The following AGBL1 variants were observed in gnomAD, a reference collection of about 807,000 sequenced individuals.
The protein encoded by AGBL1 is AGBL carboxypeptidase 1.
A neutral mutation model predicts 118.9 loss-of-function variants in AGBL1; 130 were observed. The ratio of observed to expected loss-of-function variants is 1.09; its 90% CI spans 0.95 to 1.26. The LOEUF is 1.26. AGBL1 is among the 50% of genes most tolerant of loss of function. AGBL1 has a pLI of 0.00. For synonymous variants in AGBL1, 555 were observed against 478.9 expected, an observed-to-expected ratio of 1.16 and a Z score of -2.08; for missense variants, 1,584 against 1,298.1, an observed-to-expected ratio of 1.22 and a Z score of -3.38.
chr15:86,905,939 C>G (rs575483468), intron 22 of AGBL1, among the ~76,000 whole-genome samples: 1 of 152,210 alleles, frequency 6.6e-6, no homozygotes, highest in African/African-American at 2.4e-5. Context: ...CCCTTCCTCT[C>G]CATTCAGGCA....
chr15:86,962,711 C>A (rs778446218), intron 23 of AGBL1, among the ~76,000 whole-genome samples: 14 of 151,988 alleles, frequency 9.2e-5, no homozygotes, highest in Admixed American at 7.9e-4. Flanking sequence ...CGAGGCAGGT[C>A]TATTTAGGAC....
Position 86,658,920 on chromosome 15 carries a change from C to T in AGBL1, c.2995-15353C>T, listed in dbSNP as rs1415206458. 2.0e-5 allele frequency among the ~76,000 whole-genome samples: 3 copies of T among 152,120 alleles called. No homozygotes were observed. In the East Asian group the frequency reaches 5.8e-4, roughly 29 times the overall value. ...GAGGAAAGCTGTTTGGGATGCACTA[C>T]CAAGCATCATGCAGATTCAGTGGAG... On this transcript the variant is annotated intron_variant, in intron 21 of 22. Transcript: ENST00000614907.
intron 21 of AGBL1, among the ~76,000 whole-genome samples, chr15:86,669,261 T>C (rs6496350): frequency 0.83 from 126,779 of 152,158 alleles, 53,486 homozygotes; most frequent in Middle Eastern, 0.9. Flanking sequence ...CATGGTTATA[T>C]GTTTTTCAGA....
At chr15:86,465,642 T>A (rs1955173256) in intron 18 of AGBL1, among the ~76,000 whole-genome samples, 1 of 152,190 alleles carries the variant, frequency 6.6e-6, no homozygotes, top group Non-Finnish European at 1.5e-5. Flanking sequence ...TCTTATGCAG[T>A]TGTAGATAAG....
At chr15:86,126,457 T>G (rs1031602623) in intron 1 of AGBL1, among the ~76,000 whole-genome samples, 2 of 152,214 alleles carry the variant, frequency 1.3e-5, no homozygotes, top group Non-Finnish European at 1.5e-5. Context: ...CAGGATGGAA[T>G]GTTTATATTT....
At chr15:86,626,013 C>G (rs1738345452) in intron 21 of AGBL1, among the ~76,000 whole-genome samples, 1 of 151,942 alleles carries the variant, frequency 6.6e-6, no homozygotes, top group Non-Finnish European at 1.5e-5. Context: ...GGTAATAACA[C>G]AAAGGATGAG....
chr15:86,589,044 G>A (rs186575848), intron 21 of AGBL1, among the ~76,000 whole-genome samples: 1 of 151,870 alleles, frequency 6.6e-6, no homozygotes, highest in African/African-American at 2.4e-5. Flanking sequence ...TATACACTGT[G>A]TGCATGGACA....
intron 18 of AGBL1, among the ~76,000 whole-genome samples, chr15:86,474,754 C>A (rs1267043609): frequency 1.3e-5 from 2 of 151,998 alleles, no homozygotes; most frequent in Non-Finnish European, 2.9e-5. Flanking sequence ...GAGGTTGAGA[C>A]CTGAGAACGG....
chr15:86,140,438 C>T (rs921116872), intron 1 of AGBL1, among the ~76,000 whole-genome samples: 27 of 152,048 alleles, frequency 1.8e-4, no homozygotes, highest in African/African-American at 6.5e-4. Flanking sequence ...CTTTTTGGTT[C>T]AGTTTGGTTC....
chr15:86,590,795 C>T (rs1449427244), intron 21 of AGBL1, among the ~76,000 whole-genome samples: 1 of 152,186 alleles, frequency 6.6e-6, no homozygotes, highest in Non-Finnish European at 1.5e-5. Context: ...GGAAAGACAG[C>T]TTTGCAGAGC....
At chr15:86,917,675 G>A (rs1333698564), downstream of AGBL1, among the ~76,000 whole-genome samples, 2 of 152,102 alleles carry the variant, frequency 1.3e-5, no homozygotes, top group South Asian at 2.1e-4. The surrounding 1 kb of genome is among the most constrained non-coding windows in gnomAD (Gnocchi z 4.8). Flanking sequence ...CTTGAATTTG[G>A]GGATATGCAA....
intron 7 of AGBL1, among the ~76,000 whole-genome samples, chr15:86,249,388 A>G (rs2078772106): frequency 6.6e-6 from 1 of 152,186 alleles, no homozygotes; most frequent in Non-Finnish European, 1.5e-5. Context: ...TTCTCATTAA[A>G]AAATGGTCTT....
intron 6 of AGBL1, among the ~76,000 whole-genome samples, chr15:86,236,932 C>CGGGGGGGGGGG (rs1261815080): frequency 3.2e-4 from 3 of 9,384 alleles, no homozygotes; most frequent in African/African-American, 4.4e-4. Flanking sequence ...GATATGTGGG[C>CGGGGGGGGGGG]GGGGGGGGGC....
At position 86,814,913 on chromosome 15, in the gene AGBL1, CAG is replaced by C. The variant is rs373290844; in HGVS notation, c.3159-92171_3159-92170del. Among the ~76,000 whole-genome samples the C allele has an allele frequency of 4.5e-3, 691 of 152,278 alleles. 8 individuals are homozygous for C. Among genetic ancestry groups the C allele is most frequent in the African/African-American group, 0.014 (587 of 41,556 alleles). On this transcript the variant is annotated intron_variant, in intron 22 of 22. Coordinates refer to ENST00000614907, the MANE Select transcript of AGBL1 (RefSeq NM_001386094.1). The stretch of plus-strand genomic sequence containing the variant: ...TGACGAAATGCATTAAAGTTTCTAA[CAG>C]AGTTCCTGCCTTCTTAGTAGAAATG...
intron 22 of AGBL1, among the ~76,000 whole-genome samples, chr15:86,808,798 A>G (rs1250872231): frequency 1.4e-5 from 2 of 141,716 alleles, no homozygotes; most frequent in Non-Finnish European, 3.0e-5. Flanking sequence ...CATCTGGATC[A>G]TGGTTTCTTT....
intron 1 of AGBL1, among the ~76,000 whole-genome samples, chr15:86,115,818 T>C (rs940735453): frequency 2.0e-5 from 3 of 152,194 alleles, no homozygotes; most frequent in Admixed American, 6.5e-5. Context: ...TGGTCCTGAC[T>C]TTTCCATGAA....
chr15:86,454,289 A>T (rs2082233950), intron 18 of AGBL1, among the ~76,000 whole-genome samples: 1 of 152,202 alleles, frequency 6.6e-6, no homozygotes, highest in African/African-American at 2.4e-5. Context: ...GTTGCCAAAA[A>T]TATAGAACGA....
At chr15:86,316,242 C>T (rs950508338) in intron 17 of AGBL1, among the ~76,000 whole-genome samples, 1 of 152,156 alleles carries the variant, frequency 6.6e-6, no homozygotes, top group Non-Finnish European at 1.5e-5. Context: ...AACTCTGTTT[C>T]CGAGTTGAAA....
chr15:86,512,742 A>G (rs1156495957), intron 18 of AGBL1, among the ~76,000 whole-genome samples: 1 of 151,800 alleles, frequency 6.6e-6, no homozygotes, highest in Non-Finnish European at 1.5e-5. Context: ...CTACCCTTCT[A>G]CAGAATTAAA....
Sources: allele counts gnomAD v4.1 joint callset (sites outside exome capture counted in the v4.1 genomes callset), GRCh38; gene constraint gnomAD v4.1.1; non-coding constraint Gnocchi (gnomAD v3.1); transcripts MANE v1.5; gene names NCBI Gene and HGNC (gene_info 2026-07-23, HGNC 2026-07-21).